ATP2B2: variants seen among roughly 807,000 people sequenced by gnomAD.
ATP2B2 encodes ATPase plasma membrane Ca2+ transporting 2.
Under a neutral mutation model 120.0 loss-of-function variants are expected in ATP2B2, and 15 were observed. The ratio of observed to expected loss-of-function variants is 0.12; its 90% CI spans 0.08 to 0.19. ATP2B2 has a LOEUF of 0.19. Among genes scored for constraint, ATP2B2 ranks in the 10% least tolerant of loss-of-function variants. The pLI is 1.00. For missense variants in ATP2B2, 1,045 were observed against 1,719.8 expected (o/e 0.61, Z 6.94); for synonymous variants, 694 against 700.3 (o/e 0.99, Z 0.14).
chr3:10,671,174 A>G (rs967738005), intron 1 of ATP2B2, among the ~76,000 whole-genome samples: 1 of 152,164 alleles, frequency 6.6e-6, no homozygotes, highest in Non-Finnish European at 1.5e-5. Context: ...ATCCCTCTTG[A>G]ATCTCCCGAA....
At chr3:10,631,366 C>T (rs560411344) in intron 1 of ATP2B2, among the ~76,000 whole-genome samples, 2 of 152,290 alleles carry the variant, frequency 1.3e-5, no homozygotes, top group Non-Finnish European at 2.9e-5. Flanking sequence ...GTGATAGGTC[C>T]ATCTTTCCTT....
chr3:10,382,224 T>C (rs2125551146), intron 8 of ATP2B2, among the ~76,000 whole-genome samples: 1 of 137,070 alleles, frequency 7.3e-6, no homozygotes, highest in African/African-American at 3.0e-5. Context: ...TTTGTAGAGA[T>C]GTGGTCTCAC....
At chr3:10,467,063 T>A (rs1254158803) in intron 1 of ATP2B2, among the ~76,000 whole-genome samples, 4 of 152,208 alleles carry the variant, frequency 2.6e-5, no homozygotes, top group Admixed American at 2.6e-4. Context: ...GAGGTTGGGC[T>A]AGATGGCTTC....
chr3:10,471,999 T>G (rs59696133), intron 1 of ATP2B2, among the ~76,000 whole-genome samples: 4,359 of 143,430 alleles, frequency 0.03, 240 homozygotes, highest in African/African-American at 0.11. Flanking sequence ...GAGAATGGCG[T>G]GAACCCGGGA....
At chr3:10,671,018 A>G in intron 1 of ATP2B2, among the ~76,000 whole-genome samples, 1 of 152,162 alleles carries the variant, frequency 6.6e-6, no homozygotes, top group East Asian at 1.9e-4. Context: ...GATGACTTCG[A>G]AGGTCCTTTG....
In ATP2B2 at chr3:10,547,522, C is replaced by T. The variant is rs1428847974; in HGVS notation, c.-414-13389G>A. On this transcript the variant is annotated intron_variant, in intron 2 of 21. Transcript: ENST00000646379. ...CAGTAACGACAATGGTCGTATCTCC[C>T]GCTCCATAAGACACAGTTGGCTTAC... Among the ~76,000 whole-genome samples, 4 of 152,146 alleles carry T rather than the reference C, an allele frequency of 2.6e-5. 1 individual carries two copies. Among genetic ancestry groups the T allele is most frequent in the South Asian group, 4.1e-4 (2 of 4,820 alleles).
intron 13 of ATP2B2, among the ~76,000 whole-genome samples, chr3:10,359,480 C>G (rs949850477): frequency 6.6e-6 from 1 of 152,066 alleles, no homozygotes; most frequent in African/African-American, 2.4e-5. Context: ...TTATTTCCAG[C>G]ACTCCTCTGG....
chr3:10,691,010 T>C lies in ATP2B2; in HGVS notation c.-460+16905A>G, dbSNP rs547646558. ...TGCTGTTTCTTTATTGAATTGCTTA[T>C]CTGTGTGGAAGGCACTTTCCAAAAG... On this transcript the variant is annotated intron_variant, in intron 1 of 21. Coordinates refer to the ATP2B2 transcript ENST00000646379. Among the ~76,000 whole-genome samples the C allele has an allele frequency of 2.0e-5, 3 of 152,346 alleles. No homozygotes were observed. The South Asian group carries it at 6.2e-4, about 32-fold the overall frequency.
At chr3:10,587,627 G>GC (rs1293350134) in intron 2 of ATP2B2, among the ~76,000 whole-genome samples, 2 of 152,192 alleles carry the variant, frequency 1.3e-5, no homozygotes, top group East Asian at 3.8e-4. Flanking sequence ...TGATCTACCT[G>GC]CCTTGGCCTT....
intron 15 of ATP2B2, 76 bp from the exon 16 acceptor site, chr3:10,350,275 T>C: frequency 1.3e-6 from 2 of 1,568,686 alleles, no homozygotes; most frequent in Non-Finnish European, 8.7e-7. Context: ...GGAGGGGACA[T>C]GCCCAGAGTC....
At chr3:10,645,739 GT>G (rs2070305113) in intron 1 of ATP2B2, among the ~76,000 whole-genome samples, 3 of 152,188 alleles carry the variant, frequency 2.0e-5, no homozygotes, top group Admixed American at 2.0e-4. Context: ...TCGTAAGCAT[GT>G]CCCCTAAGGT....
chr3:10,614,578 G>A (rs1559487556), intron 2 of ATP2B2, among the ~76,000 whole-genome samples: 1 of 152,176 alleles, frequency 6.6e-6, no homozygotes, highest in Non-Finnish European at 1.5e-5. Flanking sequence ...CGTGACTTGG[G>A]TTTTAATCTT....
intron 1 of ATP2B2, among the ~76,000 whole-genome samples, chr3:10,466,975 G>A (rs2064771552): frequency 2.6e-5 from 4 of 152,170 alleles, no homozygotes; most frequent in Admixed American, 2.6e-4. Context: ...GGCAAGCCTG[G>A]TAATGAAGTC....
chr3:10,449,095 T>C (rs111925944), intron 2 of ATP2B2, among the ~76,000 whole-genome samples: 152 of 152,340 alleles, frequency 1.0e-3, no homozygotes, highest in Middle Eastern at 6.8e-3. Context: ...AACACAGTCT[T>C]GACCCAGCTT....
At chr3:10,385,413 G>A (rs1261458173) in intron 7 of ATP2B2, 86 bp from the exon 8 acceptor site, 3 of 1,173,414 alleles carry the variant, frequency 2.6e-6, no homozygotes, top group Non-Finnish European at 3.8e-6. Context: ...CTTGTGGGGA[G>A]ATAACATGAC....
intron 12 of ATP2B2, among the ~76,000 whole-genome samples, chr3:10,362,399 TG>T (rs1007419908): frequency 6.6e-6 from 1 of 152,070 alleles, no homozygotes; most frequent in African/African-American, 2.4e-5. Context: ...CCGATTCACA[TG>T]GGGGGAATAC....
At chr3:10,606,415 C>T (rs893951544) in intron 2 of ATP2B2, among the ~76,000 whole-genome samples, 1 of 152,132 alleles carries the variant, frequency 6.6e-6, no homozygotes, top group African/African-American at 2.4e-5. Flanking sequence ...CTGTAGTCCG[C>T]ACCATCTAAC....
At chr3:10,570,713 C>A (rs1339280955) in intron 2 of ATP2B2, among the ~76,000 whole-genome samples, 2 of 152,184 alleles carry the variant, frequency 1.3e-5, no homozygotes, top group African/African-American at 2.4e-5. Context: ...TGACCTGGCA[C>A]AAGTCAGTCC....
chr3:10,690,336 A>G (rs899816239), intron 1 of ATP2B2, among the ~76,000 whole-genome samples: 2 of 152,218 alleles, frequency 1.3e-5, no homozygotes, highest in African/African-American at 4.8e-5. Flanking sequence ...GCACCTCCTG[A>G]GAATTTGCAC....
Sources: allele counts gnomAD v4.1 joint callset (sites outside exome capture counted in the v4.1 genomes callset), GRCh38; gene constraint gnomAD v4.1.1; transcripts MANE v1.5; gene names NCBI Gene and HGNC (gene_info 2026-07-23, HGNC 2026-07-21).